Variants in MATR3 observed in about 807,000 individuals in gnomAD.
MATR3 encodes matrin-3.
In MATR3, 4 loss-of-function variants were observed where a neutral mutation model predicts 85.5. That is an observed-to-expected ratio of 0.05 (90% CI 0.02 to 0.11). MATR3 has a LOEUF of 0.11. Ranked by LOEUF, MATR3 falls within the 10% of genes least tolerant of loss-of-function variation. The pLI is 1.00. For missense variants in MATR3, 685 were observed against 1,016.1 expected (o/e 0.67, Z 4.43); for synonymous variants, 336 against 343.1 (o/e 0.98, Z 0.23).
chr5:139,278,747 G>C lies in MATR3; in HGVS notation c.-256-304G>C, dbSNP rs576214782. ...TTCTACCTGGAGTGCCTAGGTATCTGAAACAAATAATGAGAAAGCTGTTTC... is the reference window on the plus strand; with the variant it reads ...TTCTACCTGGAGTGCCTAGGTATCTCAAACAAATAATGAGAAAGCTGTTTC... On this transcript the variant is annotated intron_variant, in intron 2 of 16. Coordinates refer to ENST00000509990, the Ensembl canonical transcript of MATR3. 1.1e-4 allele frequency: 54 copies of C among 497,708 alleles called. 1 individual carries two copies. Among genetic ancestry groups the C allele is most frequent in the South Asian group, 7.6e-4 (54 of 70,988 alleles). 30.8% of individuals were successfully genotyped at this position (497,708 alleles called of 1,614,324 possible).
intron 12 of MATR3, among the ~76,000 whole-genome samples, chr5:139,323,666 G>C (rs1755693970): frequency 6.6e-6 from 1 of 152,192 alleles, no homozygotes; most frequent in African/African-American, 2.4e-5. Context: ...CCAGCACTTT[G>C]GGAGGCCCAG....
chr5:139,311,802 C>CT (rs1754996427), intron 2 of MATR3: 1 of 108,554 alleles, frequency 9.2e-6, no homozygotes, highest in Non-Finnish European at 1.7e-5. Flanking sequence ...GTTTCTCGCT[C>CT]TGTGTCCCAG....
intron 12 of MATR3, among the ~76,000 whole-genome samples, chr5:139,324,290 GTTTT>G (rs767660135): frequency 5.9e-4 from 64 of 107,722 alleles, no homozygotes; most frequent in African/African-American, 2.0e-3. Context: ...GAGCATGATT[GTTTT>G]TTTTTTTTTT....
rs1755158499 is a variant in MATR3 at position 139,314,750 on chromosome 5, A to G, written c.974+14A>G. The G allele has an allele frequency of 1.2e-6, 2 of 1,610,786 alleles. No homozygotes were observed. Among genetic ancestry groups the G allele is most frequent in the African/African-American group, 2.7e-5 (2 of 74,810 alleles). Reference sequence around the variant, plus strand: ...TCTTCTTGAAATGTAGGAGTTTGAAATACCTTTAAAACATCCTTATCGTGA... The same window carrying G: ...TCTTCTTGAAATGTAGGAGTTTGAAGTACCTTTAAAACATCCTTATCGTGA... On this transcript the variant is annotated intron_variant, in intron 3 of 14. Transcript: ENST00000394805.
intron 3 of MATR3, among the ~76,000 whole-genome samples, chr5:139,285,008 C>T (rs1753658550): frequency 6.6e-6 from 1 of 152,072 alleles, no homozygotes; most frequent in Admixed American, 6.6e-5. Flanking sequence ...TCTCTTTTTT[C>T]AACAGCCCTA....
chr5:139,292,728 A>T (rs946588762), upstream of MATR3, among the ~76,000 whole-genome samples: 5 of 152,186 alleles, frequency 3.3e-5, no homozygotes, highest in African/African-American at 4.8e-5. Context: ...TCACAAGGTC[A>T]GGAGATCGAG....
rs75623350 is a variant in MATR3 at position 139,319,314 on chromosome 5, G to A, written c.1435-20G>A. The A allele has an allele frequency of 4.5e-4, 714 of 1,603,154 alleles. 2 individuals carry two copies. The East Asian group carries it at 8.7e-3, about 20-fold the overall frequency. ...ATAATTATTGCACATTTGTCCTTTT[G>A]TTGTTGTTATTTATTAAAGAAACCT... On this transcript the variant is annotated intron_variant, in intron 8 of 14. Transcript: ENST00000394805.
upstream of MATR3, among the ~76,000 whole-genome samples, chr5:139,289,885 C>A (rs1033045145): frequency 3.9e-5 from 6 of 152,206 alleles, no homozygotes; most frequent in African/African-American, 1.2e-4. Flanking sequence ...TCAGTGGAAG[C>A]AACTCTCAAT....
chr5:139,279,244 G>A (rs368109461), intron 3 of MATR3: 7 of 441,178 alleles, frequency 1.6e-5, no homozygotes, highest in Middle Eastern at 7.2e-4. Context: ...TTTTTTTTGG[G>A]GGGGGACGGA....
chr5:139,317,997 A>C (rs1049080136), intron 7 of MATR3, among the ~76,000 whole-genome samples: 2 of 152,232 alleles, frequency 1.3e-5, no homozygotes, highest in Non-Finnish European at 2.9e-5. Context: ...TTTCAGATCT[A>C]TACCAAAATG....
chr5:139,289,660 A>G (rs1376081878), upstream of MATR3, among the ~76,000 whole-genome samples: 2 of 152,196 alleles, frequency 1.3e-5, no homozygotes, highest in Admixed American at 1.3e-4. Flanking sequence ...AGGAACCTCT[A>G]TTATGGATTA....
At chr5:139,311,248 T>C (rs1035305762) in intron 2 of MATR3, 12 of 152,204 alleles carry the variant, frequency 7.9e-5, no homozygotes, top group African/African-American at 1.7e-4. Context: ...CCAAATTCTT[T>C]TTTTTCTCTC....
At chr5:139,320,731 T>G (rs1303963119) in intron 9 of MATR3, among the ~76,000 whole-genome samples, 3 of 150,880 alleles carry the variant, frequency 2.0e-5, no homozygotes, top group Non-Finnish European at 2.9e-5. Context: ...TTTTAATATC[T>G]TAAGCTTATT....
chr5:139,279,121 A>G (rs1561918024), exon 3 of MATR3: 2 of 454,502 alleles, frequency 4.4e-6, no homozygotes, highest in East Asian at 1.4e-4. Flanking sequence ...TGACACCAAG[A>G]TAAGTAACGT....
At position 139,315,757 on chromosome 5, in the gene MATR3, G is replaced by A. The variant is rs1415546094; in HGVS notation, c.1016+19G>A. ...ACACAATGTAAGTTAAATTTTTTAA[G>A]CTACCATTTGTAAAGGAGATCAATG... On this transcript the variant is annotated intron_variant, in intron 4 of 14. Transcript: ENST00000394805. 1 of 1,587,950 alleles carries A rather than the reference G, an allele frequency of 6.3e-7. No homozygotes were observed. Among genetic ancestry groups the A allele is most frequent in the South Asian group, 1.1e-5 (1 of 90,450 alleles).
At chr5:139,283,310 T>A (rs1056212172) in intron 3 of MATR3, 2 of 152,222 alleles carry the variant, frequency 1.3e-5, no homozygotes, top group African/African-American at 4.8e-5. Flanking sequence ...TTCTCAGTAT[T>A]AATTCTCCTG....
Position 139,316,188 on chromosome 5 carries a change from G to T in MATR3, c.1129G>T (p.Gly377Cys). The change falls in exon 5 of 15, where the codon GGT becomes TGT. Residue 377 changes from glycine (G) to cysteine (C), a missense_variant and splice_region_variant. Around this residue, in one of 9 missense-constraint regions of MATR3, gnomAD observed 223 missense variants for 334.4 expected, o/e 0.67. Transcript: ENST00000394805. ...GPAVGPRGNL[G>C]AGNGNLQGPR... ...AGCAGTTGGACCAAGAGGAAATCTGGGTAATTATATAAAATTCATGTTACT... is the reference window on the plus strand; with the variant it reads ...AGCAGTTGGACCAAGAGGAAATCTGTGTAATTATATAAAATTCATGTTACT... 1 of 1,602,476 alleles carries T rather than the reference G, an allele frequency of 6.2e-7. No individual in the cohort carries two copies. Among genetic ancestry groups the T allele is most frequent in the Non-Finnish European group, 8.5e-7 (1 of 1,169,808 alleles).
chr5:139,274,903 A>G (rs1272784382), intron 1 of MATR3, among the ~76,000 whole-genome samples: 1 of 151,856 alleles, frequency 6.6e-6, no homozygotes, highest in Non-Finnish European at 1.5e-5. Context: ...CCAACCTGGT[A>G]ACAGAGCAAG....
chr5:139,283,379 T>C (rs909071114), intron 3 of MATR3: 1 of 152,222 alleles, frequency 6.6e-6, no homozygotes, highest in Non-Finnish European at 1.5e-5. Context: ...CAGCAAGTGA[T>C]GGGTTGGACA....
Sources: allele counts gnomAD v4.1 joint callset (sites outside exome capture counted in the v4.1 genomes callset), GRCh38; gene constraint gnomAD v4.1.1; regional missense constraint gnomAD v4.1.1; transcripts MANE v1.5; gene names NCBI Gene and HGNC (gene_info 2026-07-23, HGNC 2026-07-21).